Variants in PCDHAC2 observed in about 807,000 individuals in gnomAD.
PCDHAC2 encodes the protein protocadherin alpha-C2.
Under a neutral mutation model 63.3 loss-of-function variants are expected in PCDHAC2, and 24 were observed. The observed-to-expected ratio is 0.38, with a 90% CI of 0.27 to 0.53. PCDHAC2 has a LOEUF of 0.53. Ranked by LOEUF, PCDHAC2 falls within the 20% of genes least tolerant of loss-of-function variation. PCDHAC2 has a pLI of 0.81. For synonymous variants in PCDHAC2, 569 were observed against 529.4 expected (o/e 1.07, Z -1.03); for missense variants, 1,181 against 1,275.2 (o/e 0.93, Z 1.12).
At chr5:141,000,379 C>G (rs1286955585) in intron 3 of PCDHAC2, among the ~76,000 whole-genome samples, 6 of 60,366 alleles carry the variant, frequency 9.9e-5, no homozygotes, top group South Asian at 5.4e-4. Context: ...CTCTCTCTCT[C>G]TCTCTCTCTC....
rs782426631 is a variant in PCDHAC2, at chr5:140,982,476, T to G, written c.2626T>G (p.Ser876Ala). The change falls in exon 3 of 4, where the codon TCT becomes GCT. Residue 876 changes from serine to alanine, a missense_variant and splice_region_variant. By Grantham distance (99) the Ser-to-Ala change is moderately conservative (BLOSUM62 1). Around this residue, in one of 3 missense-constraint regions of PCDHAC2, gnomAD observed 968 missense variants for 1,073.5 expected, o/e 0.90. Coordinates refer to ENST00000289269, the MANE Select transcript of PCDHAC2 (RefSeq NM_018899.6). The part of the protein sequence containing the change: ...SASLRAGMHS[S>A]VHLEEAGILR... Reference sequence around the variant, plus strand: ...ATCTGGGTCTGTGTGTTTATTCAGCTCTGTGCACCTAGAGGAGGCTGGCAT... The same window carrying G: ...ATCTGGGTCTGTGTGTTTATTCAGCGCTGTGCACCTAGAGGAGGCTGGCAT... 9.3e-6 allele frequency: 15 copies of G among 1,614,064 alleles called. No individual in the cohort carries two copies. The African/African-American group carries it at 2.0e-4, about 22-fold the overall frequency.
chr5:140,968,662 C>CT lies in PCDHAC2; in HGVS notation c.1899dup (p.Lys634Ter), dbSNP rs781816838. The CT allele has an allele frequency of 1.2e-6, 2 of 1,614,158 alleles. No homozygotes were observed. Among genetic ancestry groups the CT allele is most frequent in the South Asian group, 2.2e-5 (2 of 91,080 alleles). ...TAGCCCAGACTTCTGACCTGGACCT[C>CT]TTTAAGGTAGAGCTGCACACAGGAG... is the stretch of plus-strand genomic sequence containing the variant. On this transcript the variant is annotated frameshift_variant, in exon 1 of 4. Coordinates refer to ENST00000289269, the MANE Select transcript of PCDHAC2 (RefSeq NM_018899.6). LOFTEE classifies it high-confidence loss of function.
At chr5:140,990,114 A>G (rs1392233617) in intron 3 of PCDHAC2, among the ~76,000 whole-genome samples, 9 of 151,936 alleles carry the variant, frequency 5.9e-5, no homozygotes, top group Admixed American at 4.6e-4. Flanking sequence ...GGAAATTGAG[A>G]GCTCTGTAGA....
Position 140,968,152 on chromosome 5 carries a change from C to T in PCDHAC2, c.1386C>T (p.Ile462=), listed in dbSNP as rs782362724. The T allele has an allele frequency of 6.2e-7, 1 of 1,614,172 alleles. No individual in the cohort carries two copies. The highest frequency in any genetic ancestry group is 1.1e-5 in the South Asian group (1 of 91,080). ...LRTLKVEISD[I]NDNPPSFLED... The stretch of plus-strand genomic sequence containing the variant: ...CACTGAAGGTTGAGATCTCTGACAT[C>T]AATGACAATCCACCAAGCTTCCTGG... The change falls in exon 1 of 4, where the codon ATC becomes ATT. Residue 462 remains isoleucine, a synonymous_variant. Coordinates refer to ENST00000289269, the MANE Select transcript of PCDHAC2 (RefSeq NM_018899.6).
In PCDHAC2 at chr5:140,969,172, G is replaced by T. The variant is rs782196654; in HGVS notation, c.2406G>T (p.Gly802=). 1.2e-5 allele frequency: 19 copies of T among 1,614,086 alleles called. No homozygotes were observed. The highest frequency in any genetic ancestry group is 1.5e-5 in the Non-Finnish European group (18 of 1,180,010). Residue 802 remains glycine, a synonymous_variant, in exon 1 of 4, where the codon GGG becomes GGT. Transcript: ENST00000289269. The stretch of plus-strand genomic sequence containing the variant: ...AGGCCTGTCTGACAGCAGGCTCAGG[G>T]AGTGACACTTTCATGTTTTACAATA... ...CYKACLTAGS[G]SDTFMFYNTG... is the part of the protein sequence containing the mutation.
chr5:140,969,061 T>C lies in PCDHAC2; in HGVS notation c.2295T>C (p.Asp765=), dbSNP rs782313439. Reference sequence around the variant, plus strand: ...ACAAACAAGCCAACAACAATATTGATGCCAGGATACCGCATGGCCTCAAAG... The same window carrying C: ...ACAAACAAGCCAACAACAATATTGACGCCAGGATACCGCATGGCCTCAAAG... ...ELYKQANNNI[D]ARIPHGLKVQ... Residue 765 remains aspartate (D), a synonymous_variant, in exon 1 of 4, where the codon GAT becomes GAC. Coordinates refer to ENST00000289269, the MANE Select transcript of PCDHAC2 (RefSeq NM_018899.6). The C allele has an allele frequency of 1.5e-5, 25 of 1,614,070 alleles. No individual in the cohort carries two copies. Among genetic ancestry groups the C allele is most frequent in the Non-Finnish European group, 4.2e-6 (5 of 1,180,036 alleles).
At position 141,009,931 on chromosome 5, in the gene PCDHAC2, C is replaced by T. The variant is rs2098415407; in HGVS notation, c.3018C>T (p.Asp1006=). ...EKGNSTTDNS[D]Q ...GGAACAGCACGACTGACAACAGTGA[C>T]CAGTGAGGTCCTCAAATGGAAACAA... Residue 1006 remains aspartate (D), a synonymous_variant, in exon 4 of 4, where the codon GAC becomes GAT. Transcript: ENST00000289269. The T allele has an allele frequency of 6.2e-7, 1 of 1,601,706 alleles. No individual in the cohort carries two copies. The highest frequency in any genetic ancestry group is 8.5e-7 in the Non-Finnish European group (1 of 1,175,864).
chr5:140,970,948 C>A (rs1339410112), intron 1 of PCDHAC2, among the ~76,000 whole-genome samples: 2 of 152,114 alleles, frequency 1.3e-5, no homozygotes, highest in East Asian at 3.8e-4. Flanking sequence ...TGCTGAGAAA[C>A]CATGGGAGGC....
chr5:141,001,468 G>A (rs1375908420), intron 3 of PCDHAC2, among the ~76,000 whole-genome samples: 1 of 152,226 alleles, frequency 6.6e-6, no homozygotes, highest in African/African-American at 2.4e-5. Context: ...GGACTAAGCA[G>A]CAGCGGGGAA....
chr5:140,968,206 G>A lies in PCDHAC2; in HGVS notation c.1440G>A (p.Glu480=), dbSNP rs782751494. ...LEDSYSIYIQ[E]NNLPGVLLCT... Reference sequence around the variant, plus strand: ...ACTCCTATTCCATCTACATACAGGAGAACAATTTGCCAGGTGTGTTGCTCT... The same window carrying A: ...ACTCCTATTCCATCTACATACAGGAAAACAATTTGCCAGGTGTGTTGCTCT... The change falls in exon 1 of 4, where the codon GAG becomes GAA. Residue 480 remains glutamate, a synonymous_variant. Coordinates refer to ENST00000289269, the MANE Select transcript of PCDHAC2 (RefSeq NM_018899.6). 170 of 1,613,876 alleles carry A rather than the reference G, an allele frequency of 1.1e-4. 1 individual carries two copies. Among genetic ancestry groups the A allele is most frequent in the Non-Finnish European group, 1.4e-4 (163 of 1,180,042 alleles).
intron 3 of PCDHAC2, among the ~76,000 whole-genome samples, chr5:140,998,540 T>TA (rs1304307081): frequency 6.6e-6 from 1 of 151,542 alleles, no homozygotes; most frequent in African/African-American, 2.4e-5. Context: ...CCCTAATTCC[T>TA]AATTTAATGT....
intron 2 of PCDHAC2, chr5:140,982,263 C>A: frequency 1.2e-6 from 1 of 858,968 alleles, no homozygotes; most frequent in Non-Finnish European, 1.7e-6. Flanking sequence ...ATGTGTGTTC[C>A]TGGAATAGTA....
At chr5:141,000,210 A>G (rs1475631796) in intron 3 of PCDHAC2, among the ~76,000 whole-genome samples, 3 of 151,622 alleles carry the variant, frequency 2.0e-5, no homozygotes, top group Non-Finnish European at 2.9e-5. Context: ...CACCTTCATT[A>G]TCAAATGCCT....
Position 140,998,756 on chromosome 5 carries a change from G to A in PCDHAC2, c.2714-10871G>A, listed in dbSNP as rs78235138. Among the ~76,000 whole-genome samples, 197 of 152,232 alleles carry A rather than the reference G, an allele frequency of 1.3e-3. 4 individuals carry two copies. In the East Asian group the frequency reaches 0.035, roughly 27 times the overall value. On this transcript the variant is annotated intron_variant, in intron 3 of 3. Coordinates refer to ENST00000289269, the MANE Select transcript of PCDHAC2 (RefSeq NM_018899.6). Reference sequence around the variant, plus strand: ...ATTTTGTATTTTTAGAAGAGACACAGTTTCACTATGTTGGTCAGGCTGGTC... The same window carrying A: ...ATTTTGTATTTTTAGAAGAGACACAATTTCACTATGTTGGTCAGGCTGGTC...
chr5:141,001,792 T>C (rs1442216091), intron 3 of PCDHAC2, among the ~76,000 whole-genome samples: 3 of 152,192 alleles, frequency 2.0e-5, no homozygotes, highest in African/African-American at 7.2e-5. Context: ...AGCCTGAGTA[T>C]ATACTATCAT....
At chr5:140,985,086 T>C (rs564487119) in intron 3 of PCDHAC2, among the ~76,000 whole-genome samples, 1 of 152,000 alleles carries the variant, frequency 6.6e-6, no homozygotes, top group Non-Finnish European at 1.5e-5. Context: ...TACAGGCGTG[T>C]GCCACCAAGC....
chr5:140,967,472 G>C lies in PCDHAC2; in HGVS notation c.706G>C (p.Ala236Pro), dbSNP rs782183935. Residue 236 changes from alanine to proline, a missense_variant, in exon 1 of 4, where the codon GCC (alanine) becomes CCC (proline). Transcript: ENST00000289269. ...VLTAVDGGIP[A>P]RSGTAQISVR... Reference sequence around the variant, plus strand: ...CACAGCCGTGGATGGGGGCATCCCAGCCCGCTCGGGTACGGCACAGATCTC... The same window carrying C: ...CACAGCCGTGGATGGGGGCATCCCACCCCGCTCGGGTACGGCACAGATCTC... 1.9e-6 allele frequency: 3 copies of C among 1,613,430 alleles called. No individual in the cohort carries two copies. Among genetic ancestry groups the C allele is most frequent in the Non-Finnish European group, 2.5e-6 (3 of 1,179,768 alleles).
chr5:140,976,190 C>T (rs1402016343), intron 1 of PCDHAC2, among the ~76,000 whole-genome samples: 17 of 152,040 alleles, frequency 1.1e-4, no homozygotes, highest in African/African-American at 4.1e-4. Context: ...AATCAATATC[C>T]TGGAAACTCA....
chr5:140,983,807 G>T (rs1158459034), intron 3 of PCDHAC2, among the ~76,000 whole-genome samples: 1 of 152,100 alleles, frequency 6.6e-6, no homozygotes, highest in African/African-American at 2.4e-5. Context: ...TGTGTAAAAG[G>T]TTTTTTCCCA....
Sources: gnomAD v4.1 joint callset for allele counts (sites outside exome capture counted in the v4.1 genomes callset) on GRCh38, gnomAD v4.1.1 for gene constraint, gnomAD v4.1.1 regional missense constraint, MANE v1.5 for transcripts, NCBI Gene and HGNC (gene_info 2026-07-23, HGNC 2026-07-21) for gene names.